Variants in RBCK1 observed in about 807,000 individuals in gnomAD.
The protein encoded by RBCK1 is RANBP2-type and C3HC4-type zinc finger containing 1, also known as ranBP-type and C3HC4-type zinc finger-containing protein 1.
Under a neutral mutation model 71.1 loss-of-function variants are expected in RBCK1, and 44 were observed. The observed-to-expected ratio is 0.62, with a 90% CI of 0.49 to 0.80. The LOEUF is 0.80. Among genes scored for constraint, RBCK1 ranks in the 30% least tolerant of loss-of-function variants. RBCK1 has a pLI of 0.00. For missense variants in RBCK1, 569 were observed against 685.0 expected (o/e 0.83, Z 1.89); for synonymous variants, 306 against 279.7 (o/e 1.09, Z -0.94).
chr20:410,554 C>A (rs778848038), intron 2 of RBCK1: 2 of 779,716 alleles, frequency 2.6e-6, no homozygotes, highest in Admixed American at 1.7e-5. Flanking sequence ...TCCTGTGGAC[C>A]AGAACTGATT....
chr20:425,157 C>T (rs1284046724), intron 8 of RBCK1, among the ~76,000 whole-genome samples: 2 of 151,970 alleles, frequency 1.3e-5, no homozygotes, highest in African/African-American at 2.4e-5. Flanking sequence ...ACTAGAGGCG[C>T]ACACCGCCAT....
At chr20:427,187 G>T in intron 8 of RBCK1, 126 bp from the exon 9 acceptor site, 1 of 860,170 alleles carries the variant, frequency 1.2e-6, no homozygotes, top group East Asian at 2.6e-5. Flanking sequence ...AGGATTACAT[G>T]AAGAAAAGAG....
Position 430,470 on chromosome 20 carries a change from T to C in RBCK1, c.*40T>C, listed in dbSNP as rs2122350080. ...GGCCACATGCTGACCCAGCCCCACA[T>C]CCACATTCTGTTAGAATGTAGCTCA... On this transcript the variant is annotated 3_prime_UTR_variant, in exon 12 of 12. Coordinates refer to ENST00000356286, the MANE Select transcript of RBCK1 (RefSeq NM_031229.4). The surrounding 1 kb of genome is among the most constrained non-coding windows in gnomAD (Gnocchi z 5.6). 6.5e-7 allele frequency: 1 copy of C among 1,549,376 alleles called. No individual in the cohort carries two copies. Among genetic ancestry groups the C allele is most frequent in the East Asian group, 2.2e-5 (1 of 44,546 alleles).
rs1442475807 is a variant in RBCK1 at position 430,207 on chromosome 20, C to T, written c.1453-143C>T. 2 of 685,670 alleles carry T rather than the reference C, an allele frequency of 2.9e-6. No individual in the cohort carries two copies. The highest frequency in any genetic ancestry group is 5.0e-6 in the Non-Finnish European group (2 of 402,260). The allele number at this position is 685,670 out of a possible 1,614,324, so 42.5% of individuals were successfully genotyped here. A position where few individuals can be genotyped will look rare whatever the true frequency, so the allele number is the denominator to read the frequency against. ...GGGAGCCCAGAAAAGGCCTCAGTGA[C>T]TCTCCATCAGGTAGCTGAGGCTGAC... On this transcript the variant is annotated intron_variant, in intron 11 of 11. Transcript: ENST00000356286. This position sits in a 1 kb window ranked among gnomAD's most constrained non-coding sequence, Gnocchi z 5.6.
Position 431,150 on chromosome 20 carries a change from CAG to C in RBCK1, c.*721_*722del, listed in dbSNP as rs1491099585. On this transcript the variant is annotated 3_prime_UTR_variant, in exon 12 of 12. Coordinates refer to ENST00000356286, the MANE Select transcript of RBCK1 (RefSeq NM_031229.4). The surrounding 1 kb of genome is among the most constrained non-coding windows in gnomAD (Gnocchi z 4.8). ...CAGATGTGGACCCCATGCCCAGCCT[CAG>C]GGGCAAGGATGCTCTTGGGTCACCG... Among the ~76,000 whole-genome samples, 1 of 152,168 alleles carries C rather than the reference CAG, an allele frequency of 6.6e-6. No individual in the cohort carries two copies. The highest frequency in any genetic ancestry group is 6.5e-5 in the Admixed American group (1 of 15,274).
intron 7 of RBCK1, among the ~76,000 whole-genome samples, chr20:421,759 C>T (rs1398317255): frequency 1.3e-5 from 2 of 151,766 alleles, no homozygotes; most frequent in Admixed American, 6.6e-5. Context: ...GTGTTGGGTA[C>T]GTGAGCAGCA....
Position 417,640 on chromosome 20 carries a change from C to T in RBCK1, c.261+21C>T, listed in dbSNP as rs200546199. 1.8e-4 allele frequency: 289 copies of T among 1,610,536 alleles called. No homozygotes were observed. Among genetic ancestry groups the T allele is most frequent in the Admixed American group, 2.2e-4 (13 of 59,950 alleles). On this transcript the variant is annotated intron_variant, in intron 3 of 11. Coordinates refer to ENST00000356286, the MANE Select transcript of RBCK1 (RefSeq NM_031229.4). This position sits in a 1 kb window ranked among gnomAD's most constrained non-coding sequence, Gnocchi z 4.7. ...ACATGGTGAGTGAGGAGGCGGAGGG[C>T]GACACTGGGGTGAAGGCTCTCCCTT...
At chr20:413,756 C>T (rs1282533518) in intron 2 of RBCK1, among the ~76,000 whole-genome samples, 1 of 152,018 alleles carries the variant, frequency 6.6e-6, no homozygotes, top group Non-Finnish European at 1.5e-5. Context: ...GGGTTCTCAT[C>T]GATGGACCCG....
Position 419,684 on chromosome 20 carries a change from C to T in RBCK1, c.709C>T (p.Arg237Ter), listed in dbSNP as rs762315366. The change falls in exon 6 of 12, where the codon CGA (arginine) becomes TGA (stop). Residue 237 changes from arginine (R) to a stop codon, truncating the protein, a stop_gained. Coordinates refer to ENST00000356286, the MANE Select transcript of RBCK1 (RefSeq NM_031229.4). LOFTEE classifies it high-confidence loss of function. ...CTCATACCAGCCCGACGAGGAGGAG[C>T]GAGCGCGCCTGGCGGGCGAGGAGGA... is the stretch of plus-strand genomic sequence containing the variant. ...PASYQPDEEE[R>*]ARLAGEEEAL... 1 of 1,577,580 alleles carries T rather than the reference C, an allele frequency of 6.3e-7. No individual in the cohort carries two copies. The highest frequency in any genetic ancestry group is 1.3e-5 in the African/African-American group (1 of 74,380).
chr20:409,967 C>G lies in RBCK1; in HGVS notation c.109C>G (p.Gln37Glu). ...GAAGTGTGCCATCTGGCTGGCAGAGCAACGGGTGCCCCTGAGTGTGCAACT... is the reference window on the plus strand; with the variant it reads ...GAAGTGTGCCATCTGGCTGGCAGAGGAACGGGTGCCCCTGAGTGTGCAACT... ...AMKCAIWLAEQRVPLSVQLKP... is the reference protein window; with the variant it reads ...AMKCAIWLAEERVPLSVQLKP... Residue 37 changes from glutamine (Q) to glutamate (E), a missense_variant, in exon 2 of 12, where the codon CAA (glutamine) becomes GAA (glutamate). Gln to Glu is a conservative substitution (Grantham distance 29). This residue lies in a region of RBCK1 where 358 missense variants were observed against 375.6 expected (regional missense o/e 0.95). Coordinates refer to ENST00000356286, the MANE Select transcript of RBCK1 (RefSeq NM_031229.4). 1 of 1,614,178 alleles carries G rather than the reference C, an allele frequency of 6.2e-7. No individual in the cohort carries two copies. Among genetic ancestry groups the G allele is most frequent in the Non-Finnish European group, 8.5e-7 (1 of 1,180,046 alleles).
intron 7 of RBCK1, among the ~76,000 whole-genome samples, chr20:421,359 G>C (rs2016429439): frequency 1.3e-5 from 2 of 152,138 alleles, no homozygotes; most frequent in South Asian, 4.1e-4. Context: ...GCCAGTTTCT[G>C]AGTCTCCTGT....
rs1230098542 is a variant in RBCK1, at chr20:422,977, G to A, written c.1029+739G>A. ...CAGCTTCTATTTCCAGGATTGCAAA[G>A]ATTACAGTAGAGGATATGTGTATAG... On this transcript the variant is annotated intron_variant, in intron 8 of 11. Transcript: ENST00000356286. The surrounding 1 kb of genome is among the most constrained non-coding windows in gnomAD (Gnocchi z 5.0). Among the ~76,000 whole-genome samples, 1 of 152,186 alleles carries A rather than the reference G, an allele frequency of 6.6e-6. No individual in the cohort carries two copies. The highest frequency in any genetic ancestry group is 1.5e-5 in the Non-Finnish European group (1 of 68,044).
In RBCK1 at chr20:408,748, G is replaced by A. The variant is rs2015520483; in HGVS notation, c.-10G>A. On this transcript the variant is annotated 5_prime_UTR_variant, in exon 1 of 12. Transcript: ENST00000356286. ...GGTCCCCCCCAGGGGGATGGGCACA[G>A]CCACGCCAGATGGACGAGAAGACCA... 1 of 1,612,586 alleles carries A rather than the reference G, an allele frequency of 6.2e-7. No individual in the cohort carries two copies. The highest frequency in any genetic ancestry group is 8.5e-7 in the Non-Finnish European group (1 of 1,179,534).
At chr20:426,781 CCACTTTCTTT>C (rs1300685058) in intron 8 of RBCK1, among the ~76,000 whole-genome samples, 4 of 151,218 alleles carry the variant, frequency 2.6e-5, no homozygotes, top group Admixed American at 6.6e-5. Context: ...GAAATTCCCC[CCACTTTCTTT>C]CACTTTCTTT....
chr20:425,414 C>G (rs6051934), intron 8 of RBCK1, among the ~76,000 whole-genome samples: 1 of 152,168 alleles, frequency 6.6e-6, no homozygotes, highest in African/African-American at 2.4e-5. Context: ...ATGTAACTCT[C>G]GTAACCACCA....
At chr20:414,091 C>CAA (rs11481454) in intron 2 of RBCK1, among the ~76,000 whole-genome samples, 331 of 139,698 alleles carry the variant, frequency 2.4e-3, no homozygotes, top group Non-Finnish European at 4.4e-3. Context: ...GTGGTTCATA[C>CAA]AAAAAAAAAA....
In RBCK1 at chr20:431,498, AC is replaced by A. The variant is rs1213440812; in HGVS notation, c.*1071del. ...AAGTCTTTCCTCCGCTCTGTGACCC[AC>A]CCTCCTTCCCCTTTTGAGATCTGGT... On this transcript the variant is annotated 3_prime_UTR_variant, in exon 12 of 12. Transcript: ENST00000356286. This position sits in a 1 kb window ranked among gnomAD's most constrained non-coding sequence, Gnocchi z 4.8. Among the ~76,000 whole-genome samples, 5 of 151,866 alleles carry A rather than the reference AC, an allele frequency of 3.3e-5. No homozygotes were observed. Among genetic ancestry groups the A allele is most frequent in the Admixed American group, 2.6e-4 (4 of 15,232 alleles).
chr20:425,987 T>C (rs1388500446), intron 8 of RBCK1, among the ~76,000 whole-genome samples: 2 of 152,136 alleles, frequency 1.3e-5, no homozygotes, highest in African/African-American at 4.8e-5. Flanking sequence ...TACCAAAGGG[T>C]CAGAAAAGTT....
In RBCK1 at chr20:417,901, A is replaced by T. The variant is rs1273717821; in HGVS notation, c.431A>T (p.Gln144Leu). ...ACCTCCCTCAACCCTCAGGAGCTGC[A>T]GCGGGAGCGGCAGCTGCGGATGCTG... ...RNTSLNPQEL[Q>L]RERQLRMLED... The change falls in exon 4 of 12, where the codon CAG becomes CTG. Residue 144 changes from glutamine (Q) to leucine (L), a missense_variant. Gln to Leu is a moderately radical substitution (Grantham distance 113). Around this residue, in one of 2 missense-constraint regions of RBCK1, gnomAD observed 358 missense variants for 375.6 expected, o/e 0.95. Coordinates refer to ENST00000356286, the MANE Select transcript of RBCK1 (RefSeq NM_031229.4). The surrounding 1 kb of genome is among the most constrained non-coding windows in gnomAD (Gnocchi z 4.7). 1 of 1,611,114 alleles carries T rather than the reference A, an allele frequency of 6.2e-7. No individual in the cohort carries two copies. Among genetic ancestry groups the T allele is most frequent in the Non-Finnish European group, 8.5e-7 (1 of 1,179,942 alleles).
Sources: gnomAD v4.1 joint callset for allele counts (sites outside exome capture counted in the v4.1 genomes callset) on GRCh38, gnomAD v4.1.1 for gene constraint, gnomAD v4.1.1 regional missense constraint, Gnocchi (gnomAD v3.1) non-coding constraint, MANE v1.5 for transcripts, NCBI Gene and HGNC (gene_info 2026-07-23, HGNC 2026-07-21) for gene names.